BARD1: variants seen among roughly 807,000 people sequenced by gnomAD.
BARD1 encodes the protein BRCA1 associated RING domain 1, also known as BRCA1-associated RING domain protein 1.
BARD1 carries 73 observed loss-of-function variants against 77.0 expected under a neutral mutation model. The ratio of observed to expected loss-of-function variants is 0.95; its 90% CI spans 0.79 to 1.15. The LOEUF (loss-of-function observed/expected upper bound fraction) is 1.15, where lower values mean the gene tolerates loss of function less well. Ranked by LOEUF, BARD1 falls within the 50% of genes most tolerant of loss-of-function variation. BARD1 has a pLI of 0.00. For synonymous variants in BARD1, 384 were observed against 338.0 expected (o/e 1.14, Z -1.49); for missense variants, 993 against 938.8 (o/e 1.06, Z -0.75).
chr2:214,742,582 G>C lies in BARD1; in HGVS notation c.1903+2485C>G. On this transcript the variant is annotated intron_variant, in intron 9 of 10. Transcript: ENST00000260947. ...CCTAAAAGAACCATTGATATTAGAG[G>C]ATGTTATTCACTACTGTCAGAATCA... Among the ~76,000 whole-genome samples, 2 of 152,148 alleles carry C rather than the reference G, an allele frequency of 1.3e-5. 1 individual carries two copies. The highest frequency in any genetic ancestry group is 6.8e-3 in the Middle Eastern group (2 of 294).
intron 6 of BARD1, among the ~76,000 whole-genome samples, chr2:214,767,276 A>G (rs1432597805): frequency 1.3e-5 from 2 of 151,178 alleles, no homozygotes; most frequent in Non-Finnish European, 2.9e-5. Flanking sequence ...CCTCAAGTGT[A>G]GAACCCAAGA....
At chr2:214,774,122 T>C (rs1001092867) in intron 4 of BARD1, among the ~76,000 whole-genome samples, 1 of 152,224 alleles carries the variant, frequency 6.6e-6, no homozygotes, top group Admixed American at 6.5e-5. Context: ...GCTCCACTTC[T>C]AATTCTAGTT....
intron 9 of BARD1, among the ~76,000 whole-genome samples, chr2:214,737,947 G>GAA (rs113048786): frequency 2.0e-5 from 3 of 150,248 alleles, no homozygotes; most frequent in African/African-American, 7.3e-5. Context: ...TCCTTTTGAA[G>GAA]AAAAAAAAAG....
intron 4 of BARD1, among the ~76,000 whole-genome samples, chr2:214,776,553 A>G (rs1694744625): frequency 6.6e-6 from 1 of 152,206 alleles, no homozygotes; most frequent in Admixed American, 6.5e-5. Flanking sequence ...AGACTTACTG[A>G]TAGGAGAGCA....
At chr2:214,750,099 C>T (rs1020860306) in intron 7 of BARD1, among the ~76,000 whole-genome samples, 3 of 152,118 alleles carry the variant, frequency 2.0e-5, no homozygotes, top group African/African-American at 7.2e-5. Flanking sequence ...ACCTCAGCTC[C>T]TCCCTTTCTG....
rs1446285640 is a variant in BARD1 at position 214,728,748 on chromosome 2, T to C, written c.2262A>G (p.Lys754=). The C allele has an allele frequency of 1.9e-6, 3 of 1,614,094 alleles. No individual in the cohort carries two copies. The highest frequency in any genetic ancestry group is 2.2e-5 in the East Asian group (1 of 44,896). Residue 754 remains lysine, a synonymous_variant, in exon 11 of 11, where the codon AAA becomes AAG. Coordinates refer to ENST00000260947, the MANE Select transcript of BARD1 (RefSeq NM_000465.4). ...NYHPERVRQG[K]VWKAPSSWFI... ...ACCAGCTCGAAGGAGCCTTCCAGAC[T>C]TTGCCCTGCCGAACCCTCTCTGGGT...
rs1190034126 is a variant in BARD1, at chr2:214,728,311, T to A, written c.*365A>T. 4.1e-6 allele frequency: 1 copy of A among 241,054 alleles called. No homozygotes were observed. The highest frequency in any genetic ancestry group is 8.0e-6 in the Non-Finnish European group (1 of 124,388). 14.9% of individuals were successfully genotyped at this position (241,054 alleles called of 1,614,324 possible). On this transcript the variant is annotated 3_prime_UTR_variant, in exon 11 of 11. Transcript: ENST00000260947. ...AAAAAAAAAAAAAAAAGGCAAGTTT[T>A]TTCACTGGTGGCAGGTATGGAGAAT...
intron 1 of BARD1, among the ~76,000 whole-genome samples, chr2:214,801,557 C>T (rs1240372542): frequency 6.6e-6 from 1 of 152,136 alleles, no homozygotes; most frequent in Non-Finnish European, 1.5e-5. Flanking sequence ...CATTGCTCCT[C>T]AACAAAAACT....
chr2:214,801,848 G>GC (rs1696035687), intron 1 of BARD1, among the ~76,000 whole-genome samples: 1 of 49,060 alleles, frequency 2.0e-5, no homozygotes. Context: ...CAAATATTTG[G>GC]CGGGGGGGGG....
At position 214,780,897 on chromosome 2, in the gene BARD1, T is replaced by C. The variant is rs779960429; in HGVS notation, c.977A>G (p.Asn326Ser). The C allele has an allele frequency of 8.1e-6, 13 of 1,614,040 alleles. No homozygotes were observed. The highest frequency in any genetic ancestry group is 1.1e-5 in the South Asian group (1 of 91,090). ...LENNGKRGHH[N>S]RLSSPISKRC... ...CTTAGAAATGGGACTGGAAAGTCTATTGTGATGGCCACGTTTTCCATTATT... is the reference window on the plus strand; with the variant it reads ...CTTAGAAATGGGACTGGAAAGTCTACTGTGATGGCCACGTTTTCCATTATT... Residue 326 changes from asparagine (N) to serine (S), a missense_variant, in exon 4 of 11, where the codon AAT (asparagine) becomes AGT (serine). Transcript: ENST00000260947.
intron 10 of BARD1, among the ~76,000 whole-genome samples, chr2:214,729,524 T>TA (rs1284925541): frequency 1.3e-5 from 2 of 152,138 alleles, no homozygotes; most frequent in African/African-American, 2.4e-5. Flanking sequence ...TCAAGAAAAA[T>TA]ACTTAGGCAA....
intron 9 of BARD1, among the ~76,000 whole-genome samples, chr2:214,737,665 T>C (rs1305510873): frequency 6.6e-6 from 1 of 152,132 alleles, no homozygotes; most frequent in African/African-American, 2.4e-5. Flanking sequence ...AAAATAAACT[T>C]TCAGCAATTC....
At chr2:214,730,263 A>C (rs905901632) in intron 10 of BARD1, 148 bp downstream of exon 10, 7 of 707,128 alleles carry the variant, frequency 9.9e-6, no homozygotes, top group Admixed American at 6.9e-5. Flanking sequence ...CATCGTGATC[A>C]TCTTTCAGAA....
rs1028821336 is a variant in BARD1 at position 214,728,046 on chromosome 2, C to CA, written c.*629dup. ...CTAGTGTTGATTTTTACCACACACACAAAAAAACCAATGTTAATGATTAAA... is the reference window on the plus strand; with the variant it reads ...CTAGTGTTGATTTTTACCACACACACAAAAAAAACCAATGTTAATGATTAAA... On this transcript the variant is annotated 3_prime_UTR_variant, in exon 11 of 11. Transcript: ENST00000260947. 21 of 223,880 alleles carry CA rather than the reference C, an allele frequency of 9.4e-5. No homozygotes were observed. Among genetic ancestry groups the CA allele is most frequent in the Non-Finnish European group, 1.8e-4 (20 of 112,710 alleles). The allele number at this position is 223,880 out of a possible 1,614,324, so 13.9% of individuals were successfully genotyped here.
chr2:214,808,684 G>A (rs1395513402), intron 1 of BARD1, among the ~76,000 whole-genome samples: 2 of 118,704 alleles, frequency 1.7e-5, no homozygotes, highest in Non-Finnish European at 3.7e-5. Context: ...ACTAGAAAGA[G>A]CTACACGAAA....
chr2:214,769,903 C>T (rs7557557), intron 4 of BARD1, among the ~76,000 whole-genome samples: 66,970 of 151,966 alleles, frequency 0.44, 15,513 homozygotes, highest in Non-Finnish European at 0.51. Context: ...CATGTGCTCA[C>T]AATGAAGTTT....
chr2:214,790,359 ATGAAGCGATAC>A (rs1252127238), intron 3 of BARD1, among the ~76,000 whole-genome samples: 13 of 152,276 alleles, frequency 8.5e-5, no homozygotes, highest in Non-Finnish European at 7.4e-5. Flanking sequence ...ACTAGCTAAA[ATGAAGCGATAC>A]TGGAGTAGGG....
intron 4 of BARD1, among the ~76,000 whole-genome samples, chr2:214,778,918 C>A (rs1694854295): frequency 6.6e-6 from 1 of 151,966 alleles, no homozygotes; most frequent in Non-Finnish European, 1.5e-5. Context: ...TCCCAGAAAG[C>A]AAAATATATA....
intron 9 of BARD1, among the ~76,000 whole-genome samples, chr2:214,734,326 G>A (rs76425101): frequency 0.066 from 10,074 of 152,054 alleles, 474 homozygotes; most frequent in African/African-American, 0.13. Context: ...ATTAAATATG[G>A]AAAGAAAAAG....
Sources: gnomAD v4.1 joint callset for allele counts (sites outside exome capture counted in the v4.1 genomes callset) on GRCh38, gnomAD v4.1.1 for gene constraint, MANE v1.5 for transcripts, NCBI Gene and HGNC (gene_info 2026-07-23, HGNC 2026-07-21) for gene names.